TSPEAR: variants seen among roughly 807,000 people sequenced by gnomAD.
TSPEAR encodes thrombospondin-type laminin G domain and EAR repeat-containing protein.
A neutral mutation model predicts 71.6 loss-of-function variants in TSPEAR; 69 were observed. The ratio of observed to expected loss-of-function variants is 0.96; its 90% CI spans 0.79 to 1.18. The LOEUF is 1.18. Among genes scored for constraint, TSPEAR ranks in the 50% most tolerant of loss-of-function variants. TSPEAR has a pLI of 0.00. For synonymous variants in TSPEAR, 402 were observed against 387.2 expected (o/e 1.04, Z -0.45); for missense variants, 971 against 894.9 (o/e 1.09, Z -1.09).
intron 10 of TSPEAR, chr21:44,508,134 A>C (rs2052248322): frequency 6.6e-6 from 1 of 152,452 alleles, no homozygotes; most frequent in Non-Finnish European, 1.5e-5. Context: ...CTGCTGACGG[A>C]GAGGGCACTC....
chr21:44,533,577 G>C, intron 3 of TSPEAR, 108 bp downstream of exon 3: 1 of 953,998 alleles, frequency 1.0e-6, no homozygotes, highest in East Asian at 2.6e-5. Context: ...GTCAGCTCCT[G>C]CCCCAGGACA....
At position 44,628,280 on chromosome 21, in the gene TSPEAR, C is replaced by A. The variant is rs181355860; in HGVS notation, c.83-60275G>T. 29 of 355,672 alleles carry A rather than the reference C, an allele frequency of 8.2e-5. 1 individual carries two copies. The highest frequency in any genetic ancestry group is 7.0e-4 in the Middle Eastern group (1 of 1,432). The allele number at this position is 355,672 out of a possible 1,614,324, so 22.0% of individuals were successfully genotyped here. A position where few individuals can be genotyped will look rare whatever the true frequency, so the allele number is the denominator to read the frequency against. On this transcript the variant is annotated intron_variant, in intron 1 of 11. Coordinates refer to ENST00000323084, the MANE Select transcript of TSPEAR (RefSeq NM_144991.3). The stretch of plus-strand genomic sequence containing the variant: ...TTCCTGGCTGCAGACCACAACCCTC[C>A]GCTGGTCGCTGGTTGGGGACGGGCC...
chr21:44,554,879 G>C (rs782017897), intron 2 of TSPEAR, among the ~76,000 whole-genome samples: 2 of 152,232 alleles, frequency 1.3e-5, no homozygotes, highest in Non-Finnish European at 2.9e-5. Flanking sequence ...GAAAGACTGA[G>C]AAGCGGGTGG....
Position 44,509,258 on chromosome 21 carries a change from G to A in TSPEAR, c.1695C>T (p.Ile565=), listed in dbSNP as rs782753332. The part of the protein sequence containing the change: ...QNDSYVINSV[I]YELNVTAQAF... ...CCTGCGCGGTCACGTTCAGCTCGTA[G>A]ATGACGGAGTTGATGACATAGGAAT... The change falls in exon 10 of 12, where the codon ATC becomes ATT. Residue 565 remains isoleucine, a synonymous_variant. Coordinates refer to ENST00000323084, the MANE Select transcript of TSPEAR (RefSeq NM_144991.3). 1.2e-6 allele frequency: 2 copies of A among 1,614,002 alleles called. No homozygotes were observed. Among genetic ancestry groups the A allele is most frequent in the African/African-American group, 2.7e-5 (2 of 74,910 alleles).
At chr21:44,704,620 C>G (rs77948277) in intron 1 of TSPEAR, among the ~76,000 whole-genome samples, 9,469 of 152,230 alleles carry the variant, frequency 0.062, 375 homozygotes, top group South Asian at 0.13. Flanking sequence ...GGTCTTTCCA[C>G]GAAGGCTTGG....
intron 1 of TSPEAR, chr21:44,677,588 T>G: frequency 9.7e-7 from 1 of 1,027,962 alleles, no homozygotes; most frequent in Non-Finnish European, 1.5e-6. Context: ...GTGTGGGTTT[T>G]CCTTCATCAA....
rs587705618 is a variant in TSPEAR at position 44,628,229 on chromosome 21, C to T, written c.83-60224G>A. ...CTCCCTGACCTCCCCCCCGGGCAGG[C>T]GAGCCCTGGCTTCTCCTCACGGTGC... On this transcript the variant is annotated intron_variant, in intron 1 of 11. Transcript: ENST00000323084. The T allele has an allele frequency of 6.8e-5, 46 of 679,358 alleles. 1 individual carries two copies. The East Asian group carries it at 7.7e-4, about 11-fold the overall frequency. The allele number at this position is 679,358 out of a possible 1,614,324, so 42.1% of individuals were successfully genotyped here. A position where few individuals can be genotyped will look rare whatever the true frequency, so the allele number is the denominator to read the frequency against.
intron 4 of TSPEAR, among the ~76,000 whole-genome samples, chr21:44,530,389 A>C (rs2052944358): frequency 6.8e-6 from 1 of 146,378 alleles, no homozygotes; most frequent in African/African-American, 2.7e-5. Flanking sequence ...TCACTCATCC[A>C]TCCATCCCTC....
At chr21:44,600,752 C>A (rs1313267391) in intron 1 of TSPEAR, 1 of 1,609,016 alleles carries the variant, frequency 6.2e-7, no homozygotes, top group Non-Finnish European at 8.5e-7. Context: ...TGCTGCGAGC[C>A]CCCCTGCTGC....
intron 1 of TSPEAR, among the ~76,000 whole-genome samples, chr21:44,634,008 G>A (rs1983401619): frequency 6.6e-6 from 1 of 152,142 alleles, no homozygotes; most frequent in Non-Finnish European, 1.5e-5. Context: ...TACTCAGGAG[G>A]TTGAGATGAG....
Position 44,617,926 on chromosome 21 carries a change from A to G in TSPEAR, c.83-49921T>C, listed in dbSNP as rs369267556. ...GGCACTTCTAAGCTGGAGTGTTAGC[A>G]GATTTCAAATTCATAAAGATATTTA... On this transcript the variant is annotated intron_variant, in intron 1 of 11. Coordinates refer to ENST00000323084, the MANE Select transcript of TSPEAR (RefSeq NM_144991.3). 5.3e-5 allele frequency among the ~76,000 whole-genome samples: 8 copies of G among 152,368 alleles called. 1 individual carries two copies. The highest frequency in any genetic ancestry group is 1.3e-4 in the Admixed American group (2 of 15,310).
At chr21:44,558,086 G>GCAC (rs782480808) in intron 2 of TSPEAR, 1 of 1,612,160 alleles carries the variant, frequency 6.2e-7, no homozygotes, top group South Asian at 1.1e-5. Flanking sequence ...AGAGGCCGCA[G>GCAC]CACGCGGAAG....
At chr21:44,646,818 T>C (rs1555940031) in intron 1 of TSPEAR, 10 of 1,572,872 alleles carry the variant, frequency 6.4e-6, no homozygotes, top group Non-Finnish European at 8.6e-6. Flanking sequence ...CTGTCTGCTG[T>C]GGGGCTGCTT....
At chr21:44,510,570 T>G (rs2052339712) in intron 9 of TSPEAR, 1 of 151,822 alleles carries the variant, frequency 6.6e-6, no homozygotes, top group Admixed American at 6.6e-5. Context: ...CATCTTCTGG[T>G]CCCCCTGACT....
chr21:44,607,984 A>C (rs1469676278), intron 1 of TSPEAR, among the ~76,000 whole-genome samples: 10 of 152,342 alleles, frequency 6.6e-5, no homozygotes, highest in African/African-American at 2.2e-4. Flanking sequence ...AATTTGATTT[A>C]CATGAAATTC....
intron 10 of TSPEAR, among the ~76,000 whole-genome samples, chr21:44,507,821 A>C (rs2052238519): frequency 6.6e-6 from 1 of 152,214 alleles, no homozygotes; most frequent in Non-Finnish European, 1.5e-5. Flanking sequence ...CTGGGGACAC[A>C]CAACTGCCAC....
intron 1 of TSPEAR, among the ~76,000 whole-genome samples, chr21:44,604,347 G>T (rs984153536): frequency 1.3e-5 from 2 of 152,072 alleles, no homozygotes; most frequent in Admixed American, 1.3e-4. Context: ...AACATAAAAA[G>T]AAACGAATAA....
At chr21:44,703,927 C>G (rs571740058) in intron 1 of TSPEAR, among the ~76,000 whole-genome samples, 2 of 152,280 alleles carry the variant, frequency 1.3e-5, no homozygotes, top group South Asian at 2.1e-4. Flanking sequence ...GAGCTGGAAC[C>G]GGCTGGGACT....
At chr21:44,607,520 T>C (rs1331857625) in intron 1 of TSPEAR, among the ~76,000 whole-genome samples, 1 of 152,154 alleles carries the variant, frequency 6.6e-6, no homozygotes, top group Non-Finnish European at 1.5e-5. Context: ...TAGAAGCACA[T>C]ATAGGGGAAT....
Sources: gnomAD v4.1 joint callset for allele counts (sites outside exome capture counted in the v4.1 genomes callset) on GRCh38, gnomAD v4.1.1 for gene constraint, MANE v1.5 for transcripts, NCBI Gene and HGNC (gene_info 2026-07-23, HGNC 2026-07-21) for gene names.